The following SYTL5 variants were observed in gnomAD, a reference collection of about 807,000 sequenced individuals.
SYTL5 encodes the protein synaptotagmin like 5, also known as synaptotagmin-like protein 5.
Under a neutral mutation model 55.9 loss-of-function variants are expected in SYTL5, and 34 were observed. The observed-to-expected ratio is 0.61, with a 90% CI of 0.46 to 0.81. The LOEUF is 0.81. Ranked by LOEUF, SYTL5 falls within the 30% of genes least tolerant of loss-of-function variation. SYTL5 has a pLI of 0.00. For synonymous variants in SYTL5, 221 were observed against 188.7 expected, an observed-to-expected ratio of 1.17 and a Z score of -1.40; for missense variants, 637 against 546.7, an observed-to-expected ratio of 1.17 and a Z score of -1.65.
chrX:38,119,720 TG>T (rs1307453688), intron 13 of SYTL5, among the ~76,000 whole-genome samples: 2 of 112,398 alleles, frequency 1.8e-5, no homozygotes, highest in African/African-American at 6.5e-5. Flanking sequence ...TCTGGTTGGA[TG>T]GTAGTTGCAT....
the SYTL5 span, chrX:37,991,091 T>C: frequency 5.8e-6 from 7 of 1,210,784 alleles, no homozygotes; most frequent in Non-Finnish European, 7.8e-6. Context: ...CTTCACAAGA[T>C]AGGGAGAGAG....
the SYTL5 span, among the ~76,000 whole-genome samples, chrX:37,937,764 TTTC>T: frequency 5.3e-5 from 6 of 112,470 alleles, no homozygotes; most frequent in Admixed American, 5.6e-4. Flanking sequence ...AATTCTTATC[TTTC>T]TTCTTCCCAT....
chrX:38,054,472 T>C (rs770024710), intron 3 of SYTL5, 50 bp downstream of exon 3: 2 of 1,102,354 alleles, frequency 1.8e-6, no homozygotes, highest in Non-Finnish European at 2.5e-6. Context: ...ACTGAAGGGA[T>C]TGGAGTGGGG....
intron 11 of SYTL5, among the ~76,000 whole-genome samples, chrX:38,107,048 C>T (rs1400357710): frequency 1.8e-5 from 2 of 112,478 alleles, no homozygotes; most frequent in Non-Finnish European, 3.8e-5. Context: ...GACATGTTGG[C>T]ACACCCAGGA....
rs778304618 is a variant in SYTL5, at chrX:38,042,428, C to A, written c.119+8420C>A. On this transcript the variant is annotated intron_variant, in intron 2 of 16. Transcript: ENST00000297875. ...TGTGTTTTCAATCTTCATTTGGTTG[C>A]AAATGCAGAACTCAAGGTTATGGAG... is the stretch of plus-strand genomic sequence containing the variant. 1.3e-3 allele frequency among the ~76,000 whole-genome samples: 149 copies of A among 111,448 alleles called. 2 individuals carry two copies. Among genetic ancestry groups the A allele is most frequent in the African/African-American group, 4.8e-3 (148 of 30,683 alleles).
the SYTL5 span, among the ~76,000 whole-genome samples, chrX:37,923,428 A>C: frequency 9.0e-6 from 1 of 111,331 alleles, no homozygotes; most frequent in Non-Finnish European, 1.9e-5. Flanking sequence ...CTGAAGAGTA[A>C]AAATGACTAC....
chrX:37,980,532 T>C, the SYTL5 span, among the ~76,000 whole-genome samples: 2 of 112,001 alleles, frequency 1.8e-5, no homozygotes, highest in Non-Finnish European at 3.8e-5. Flanking sequence ...TTTAAGAAAA[T>C]CTATTAAAAT....
At chrX:38,008,241 G>T (rs1934059893) in intron 1 of SYTL5, among the ~76,000 whole-genome samples, 1 of 111,464 alleles carries the variant, frequency 9.0e-6, no homozygotes, top group African/African-American at 3.3e-5. Context: ...TTGTAAATAT[G>T]CTTTTGTACA....
At chrX:38,050,143 T>C (rs145801037) in intron 2 of SYTL5, among the ~76,000 whole-genome samples, 1,242 of 112,085 alleles carry the variant, frequency 0.011, 12 homozygotes, top group South Asian at 0.017. Context: ...AAACTGTTTA[T>C]TCATGGCTTC....
intron 1 of SYTL5, among the ~76,000 whole-genome samples, chrX:38,025,784 G>C (rs987961607): frequency 6.2e-5 from 7 of 112,325 alleles, no homozygotes; most frequent in Non-Finnish European, 1.1e-4. Context: ...GATTCTCCAG[G>C]TGAGGTATGA....
the SYTL5 span, among the ~76,000 whole-genome samples, chrX:37,910,442 C>T: frequency 1.8e-5 from 2 of 112,447 alleles, no homozygotes; most frequent in Non-Finnish European, 3.8e-5. Context: ...AAGGCTGGGA[C>T]TTCAACATGT....
At chrX:38,106,507 G>T in intron 10 of SYTL5, 86 bp from the exon 11 acceptor site, 1 of 862,539 alleles carries the variant, frequency 1.2e-6, no homozygotes, top group Non-Finnish European at 1.6e-6. Flanking sequence ...TAAAGAACAG[G>T]AACTATAATT....
the SYTL5 span, among the ~76,000 whole-genome samples, chrX:37,993,282 A>G: frequency 8.9e-6 from 1 of 112,295 alleles, no homozygotes; most frequent in African/African-American, 3.2e-5. Context: ...AGAGAAAAAT[A>G]TTGAAATAAA....
At chrX:38,008,488 C>G (rs1283211643) in intron 1 of SYTL5, among the ~76,000 whole-genome samples, 1 of 111,578 alleles carries the variant, frequency 9.0e-6, no homozygotes, top group Non-Finnish European at 1.9e-5. Context: ...GATGGTGCTT[C>G]TGTTACTTGC....
intron 2 of SYTL5, among the ~76,000 whole-genome samples, chrX:38,037,818 ATAGATAG>A (rs1274922002): frequency 3.6e-4 from 40 of 110,715 alleles, no homozygotes; most frequent in Middle Eastern, 4.6e-3. Context: ...AGATAGATAG[ATAGATAG>A]ATAGATAGAT....
intron 3 of SYTL5, among the ~76,000 whole-genome samples, chrX:38,059,203 A>T (rs1163638749): frequency 2.7e-5 from 3 of 111,627 alleles, no homozygotes; most frequent in Non-Finnish European, 5.7e-5. Context: ...TCTTGAAGTA[A>T]TTATTTGGAA....
chrX:38,008,622 GTC>G (rs938921112), intron 1 of SYTL5, among the ~76,000 whole-genome samples: 1 of 111,347 alleles, frequency 9.0e-6, no homozygotes, highest in Non-Finnish European at 1.9e-5. Context: ...ACTTGATCTG[GTC>G]TCTCTCTCCT....
the SYTL5 span, among the ~76,000 whole-genome samples, chrX:37,960,884 C>A: frequency 1.8e-5 from 2 of 108,970 alleles, no homozygotes; most frequent in Non-Finnish European, 3.8e-5. Flanking sequence ...CAAGCTCCAC[C>A]TCCCGGGTTC....
the SYTL5 span, among the ~76,000 whole-genome samples, chrX:37,965,799 C>CAT: frequency 8.9e-6 from 1 of 112,165 alleles, no homozygotes. Flanking sequence ...ATGTTGGGTG[C>CAT]ATATATATTT....
Sources: allele counts gnomAD v4.1 joint callset (sites outside exome capture counted in the v4.1 genomes callset), GRCh38; gene constraint gnomAD v4.1.1; transcripts MANE v1.5; gene names NCBI Gene and HGNC (gene_info 2026-07-23, HGNC 2026-07-21).